The following RNF183 variants were observed in gnomAD, a reference collection of about 807,000 sequenced individuals.
The protein encoded by RNF183 is ring finger protein 183, also known as E3 ubiquitin-protein ligase RNF183.
In RNF183, 4 loss-of-function variants were observed where a neutral mutation model predicts 9.0. The ratio of observed to expected loss-of-function variants is 0.44; its 90% CI spans 0.22 to 1.01. The LOEUF is 1.01. Ranked by LOEUF, RNF183 falls within the 50% of genes least tolerant of loss-of-function variation. The pLI, the probability that RNF183 is intolerant of heterozygous loss-of-function variation, is 0.25. For missense variants in RNF183, 227 were observed against 253.6 expected (o/e 0.89, Z 0.71); for synonymous variants, 102 against 107.5 (o/e 0.95, Z 0.32).
Position 113,298,331 on chromosome 9 carries a change from C to T in RNF183, c.-37-110G>A. 3.0e-6 allele frequency: 2 copies of T among 674,846 alleles called. No individual in the cohort carries two copies. Among genetic ancestry groups the T allele is most frequent in the East Asian group, 5.3e-5 (2 of 37,786 alleles). The allele number at this position is 674,846 out of a possible 1,614,324, so 41.8% of individuals were successfully genotyped here. On this transcript the variant is annotated intron_variant, in intron 4 of 4. Coordinates refer to ENST00000489339, the MANE Select transcript of RNF183 (RefSeq NM_001371237.1). This position sits in a 1 kb window ranked among gnomAD's most constrained non-coding sequence, Gnocchi z 4.9. ...TGAAAGGTGTAATCACCACGTTTTA[C>T]TTAGGTTCAAAAGCGTTTTGTTCTT... is the stretch of plus-strand genomic sequence containing the variant.
At chr9:113,301,319 A>G (rs1249173738) in intron 3 of RNF183, among the ~76,000 whole-genome samples, 1 of 152,210 alleles carries the variant, frequency 6.6e-6, no homozygotes, top group Non-Finnish European at 1.5e-5. Context: ...TGCCTAGGCT[A>G]TACGGTCTAG....
chr9:113,300,726 GT>G (rs1829932167), intron 3 of RNF183, among the ~76,000 whole-genome samples: 3 of 152,184 alleles, frequency 2.0e-5, no homozygotes, highest in African/African-American at 7.2e-5. Flanking sequence ...AGTAGGCAAG[GT>G]GGGAGGGTAT....
intron 1 of RNF183, among the ~76,000 whole-genome samples, chr9:113,302,806 C>G (rs1188177554): frequency 6.6e-6 from 1 of 152,208 alleles, no homozygotes; most frequent in Non-Finnish European, 1.5e-5. Context: ...CAGTAGAATA[C>G]GGAAGGCGCT....
Position 113,298,218 on chromosome 9 carries a change from C to T in RNF183, c.-34G>A, listed in dbSNP as rs374422536. The T allele has an allele frequency of 4.1e-5, 64 of 1,552,590 alleles. No individual in the cohort carries two copies. Among genetic ancestry groups the T allele is most frequent in the East Asian group, 2.9e-4 (13 of 44,476 alleles). ...ACACACGGGGAGGCTTCGCGGGAGA[C>T]GTCCTGGCAGAAGGGGGAAAGGAGC... On this transcript the variant is annotated 5_prime_UTR_variant, in exon 5 of 5. Transcript: ENST00000489339. The surrounding 1 kb of genome is among the most constrained non-coding windows in gnomAD (Gnocchi z 4.9).
Position 113,298,262 on chromosome 9 carries a change from T to G in RNF183, c.-37-41A>C. On this transcript the variant is annotated intron_variant, in intron 4 of 4. Coordinates refer to ENST00000489339, the MANE Select transcript of RNF183 (RefSeq NM_001371237.1). The surrounding 1 kb of genome is among the most constrained non-coding windows in gnomAD (Gnocchi z 4.9). The stretch of plus-strand genomic sequence containing the variant: ...AAGGAGCAAAGGAACAGCCATGAAG[T>G]CCCATCCTTGTGCTTGGCCTGGGGC... 7.9e-7 allele frequency: 1 copy of G among 1,271,010 alleles called. No individual in the cohort carries two copies. The highest frequency in any genetic ancestry group is 1.1e-6 in the Non-Finnish European group (1 of 893,812). The allele number at this position is 1,271,010 out of a possible 1,614,324, so 78.7% of individuals were successfully genotyped here.
rs1433152684 is a variant in RNF183, at chr9:113,302,241, G to A, written c.-368C>T. On this transcript the variant is annotated 5_prime_UTR_variant, in exon 2 of 5. Transcript: ENST00000489339. ...AGAACTGTAAAAGGCTGTCCAAGAG[G>A]AGGAAGCATCATTATTGCCTGGATC... The A allele has an allele frequency of 2.0e-5, 3 of 152,078 alleles. No homozygotes were observed. The highest frequency in any genetic ancestry group is 2.9e-5 in the Non-Finnish European group (2 of 68,036). The allele number at this position is 152,078 out of a possible 1,614,324, so 9.4% of individuals were successfully genotyped here. A position where few individuals can be genotyped will look rare whatever the true frequency, so the allele number is the denominator to read the frequency against.
chr9:113,300,475 A>C (rs2118704916), intron 3 of RNF183, among the ~76,000 whole-genome samples: 2 of 152,352 alleles, frequency 1.3e-5, no homozygotes, highest in South Asian at 4.1e-4. Flanking sequence ...TTGTTAATAA[A>C]GGGCAAAAAG....
chr9:113,297,894 C>G lies in RNF183; in HGVS notation c.291G>C (p.Gln97His). ...EPHHVILEGH[Q>H]LCLKDQPKSR... Reference sequence around the variant, plus strand: ...TCTTGGGCTGGTCCTTGAGGCACAGCTGATGGCCTTCCAGGATGACATGGT... The same window carrying G: ...TCTTGGGCTGGTCCTTGAGGCACAGGTGATGGCCTTCCAGGATGACATGGT... The change falls in exon 5 of 5, where the codon CAG (glutamine) becomes CAC (histidine). Residue 97 changes from glutamine (Q) to histidine (H), a missense_variant. Gln to His is a conservative substitution (Grantham distance 24). Transcript: ENST00000489339. The G allele has an allele frequency of 6.2e-7, 1 of 1,613,820 alleles. No individual in the cohort carries two copies. The highest frequency in any genetic ancestry group is 1.3e-5 in the African/African-American group (1 of 75,006).
Position 113,297,425 on chromosome 9 carries a change from C to T in RNF183, c.*181G>A, listed in dbSNP as rs537162344. The T allele has an allele frequency of 2.0e-6, 1 of 511,608 alleles. No individual in the cohort carries two copies. Among genetic ancestry groups the T allele is most frequent in the Non-Finnish European group, 3.5e-6 (1 of 288,108 alleles). 31.7% of individuals were successfully genotyped at this position (511,608 alleles called of 1,614,324 possible). On this transcript the variant is annotated 3_prime_UTR_variant, in exon 5 of 5. Coordinates refer to ENST00000489339, the MANE Select transcript of RNF183 (RefSeq NM_001371237.1). ...GGTCGCTCCACATCTCCCAGTCCTTCAAGCTTTTCGTTTTTTTGTTTTTTT... is the reference window on the plus strand; with the variant it reads ...GGTCGCTCCACATCTCCCAGTCCTTTAAGCTTTTCGTTTTTTTGTTTTTTT...
Position 113,297,771 on chromosome 9 carries a change from G to T in RNF183, c.414C>A (p.Thr138=). 2 of 1,613,604 alleles carry T rather than the reference G, an allele frequency of 1.2e-6. No individual in the cohort carries two copies. Among genetic ancestry groups the T allele is most frequent in the Non-Finnish European group, 1.7e-6 (2 of 1,179,744 alleles). Residue 138 remains threonine, a synonymous_variant, in exon 5 of 5, where the codon ACC becomes ACA. Coordinates refer to ENST00000489339, the MANE Select transcript of RNF183 (RefSeq NM_001371237.1). ...TGGGGATGAGGATGGGCGTAGACACGGTGGCAGAGGCCGTGTCTGGGGGCG... is the reference window on the plus strand; with the variant it reads ...TGGGGATGAGGATGGGCGTAGACACTGTGGCAGAGGCCGTGTCTGGGGGCG... ...TGPPPDTASA[T]VSTPILIPSH...
chr9:113,300,838 T>G (rs1588028623), intron 3 of RNF183, among the ~76,000 whole-genome samples: 3 of 152,222 alleles, frequency 2.0e-5, no homozygotes, highest in South Asian at 4.2e-4. Context: ...TAAAACACCA[T>G]TCTAGCTGCA....
In RNF183 at chr9:113,298,099, AT is replaced by A. The variant is rs1183593480; in HGVS notation, c.85del (p.Met29CysfsTer19). On this transcript the variant is annotated frameshift_variant, in exon 5 of 5. Coordinates refer to ENST00000489339, the MANE Select transcript of RNF183 (RefSeq NM_001371237.1). LOFTEE classifies it high-confidence loss of function. The surrounding 1 kb of genome is among the most constrained non-coding windows in gnomAD (Gnocchi z 4.9). ...GCAGAAGGAGTGGCAGCAATCCAGC[AT>A]TTTGGGGGTATGGAACGTGTTGTTG... ...PFNNTFHTPK[M>X]LDCCHSFCVE... The A allele has an allele frequency of 1.2e-6, 2 of 1,613,986 alleles. No homozygotes were observed.
In RNF183 at chr9:113,298,044, C is replaced by T. The variant is rs1267871780; in HGVS notation, c.141G>A (p.Val47=). 6.2e-7 allele frequency: 1 copy of T among 1,613,902 alleles called. No homozygotes were observed. The highest frequency in any genetic ancestry group is 8.5e-7 in the Non-Finnish European group (1 of 1,180,024). The change falls in exon 5 of 5, where the codon GTG becomes GTA. Residue 47 remains valine (V), a synonymous_variant. Transcript: ENST00000489339. The surrounding 1 kb of genome is among the most constrained non-coding windows in gnomAD (Gnocchi z 4.9). ...CVECLAHLSL[V]TPARRRLLCP... ...ACAGCAGGCGGCGCCGGGCTGGAGT[C>T]ACAAGGCTGAGGTGGGCCAGACATT...
At position 113,297,576 on chromosome 9, in the gene RNF183, A is replaced by C; in HGVS notation, c.*30T>G. The C allele has an allele frequency of 1.1e-5, 17 of 1,495,768 alleles. No individual in the cohort carries two copies. Among genetic ancestry groups the C allele is most frequent in the Non-Finnish European group, 1.4e-5 (16 of 1,104,700 alleles). 92.7% of individuals were successfully genotyped at this position (1,495,768 alleles called of 1,614,324 possible). A position where few individuals can be genotyped will look rare whatever the true frequency, so the allele number is the denominator to read the frequency against. On this transcript the variant is annotated 3_prime_UTR_variant, in exon 5 of 5. Transcript: ENST00000489339. ...TCACCATACCCAGCAGCAACCGAAAAAGGTTTGGTTTCTTGTCTGGGAACA... is the reference window on the plus strand; with the variant it reads ...TCACCATACCCAGCAGCAACCGAAACAGGTTTGGTTTCTTGTCTGGGAACA...
intron 3 of RNF183, 150 bp from the exon 4 acceptor site, chr9:113,299,925 A>T (rs1334714876): frequency 6.6e-6 from 1 of 152,252 alleles, no homozygotes; most frequent in Non-Finnish European, 1.5e-5. Flanking sequence ...TCGTAAAGAC[A>T]GAAGGCTGCA....
intron 4 of RNF183, 89 bp downstream of exon 4, chr9:113,299,483 G>A (rs918083498): frequency 6.6e-6 from 1 of 152,192 alleles, no homozygotes; most frequent in South Asian, 2.1e-4. Flanking sequence ...CACCTACTTC[G>A]AAGCTTAAGA....
chr9:113,299,102 G>T (rs1832836929), intron 4 of RNF183: 1 of 152,228 alleles, frequency 6.6e-6, no homozygotes, highest in East Asian at 1.9e-4. Context: ...ATGGCAGCAT[G>T]CACGCAGCAC....
Position 113,297,188 on chromosome 9 carries a change from AT to A in RNF183, c.*417del, listed in dbSNP as rs34262687. The A allele has an allele frequency of 6.2e-3, 906 of 145,614 alleles. No homozygotes were observed. The highest frequency in any genetic ancestry group is 6.2e-3 in the African/African-American group (244 of 39,504). The allele number at this position is 145,614 out of a possible 1,614,324, so 9.0% of individuals were successfully genotyped here. ...CCACAGAATTGAAGCTCACTTCCCA[AT>A]TTTTTTTTTTTTTTTAGCAACCCAT... On this transcript the variant is annotated 3_prime_UTR_variant, in exon 5 of 5. Coordinates refer to ENST00000489339, the MANE Select transcript of RNF183 (RefSeq NM_001371237.1).
At position 113,297,350 on chromosome 9, in the gene RNF183, T is replaced by G; in HGVS notation, c.*256A>C. The G allele has an allele frequency of 6.7e-6, 2 of 298,872 alleles. No individual in the cohort carries two copies. Among genetic ancestry groups the G allele is most frequent in the Non-Finnish European group, 1.2e-5 (2 of 160,774 alleles). 18.5% of individuals were successfully genotyped at this position (298,872 alleles called of 1,614,324 possible). A position where few individuals can be genotyped will look rare whatever the true frequency, so the allele number is the denominator to read the frequency against. ...TGGCACAACTTGCTGTGGAGCTCTG[T>G]GGTCAGAACCGCTTCTCTGCCCTTC... is the stretch of plus-strand genomic sequence containing the variant. On this transcript the variant is annotated 3_prime_UTR_variant, in exon 5 of 5. Coordinates refer to ENST00000489339, the MANE Select transcript of RNF183 (RefSeq NM_001371237.1).
Sources: gnomAD v4.1 joint callset for allele counts (sites outside exome capture counted in the v4.1 genomes callset) on GRCh38, gnomAD v4.1.1 for gene constraint, Gnocchi (gnomAD v3.1) non-coding constraint, MANE v1.5 for transcripts, NCBI Gene and HGNC (gene_info 2026-07-23, HGNC 2026-07-21) for gene names.